The following STT3B variants were observed in gnomAD, a reference collection of about 807,000 sequenced individuals.
STT3B encodes STT3 oligosaccharyltransferase complex catalytic subunit B, also known as dolichyl-diphosphooligosaccharide--protein glycosyltransferase subunit STT3B.
Under a neutral mutation model 96.8 loss-of-function variants are expected in STT3B, and 29 were observed. The ratio of observed to expected loss-of-function variants is 0.30; its 90% CI spans 0.22 to 0.41. STT3B has a LOEUF of 0.41. Ranked by LOEUF, STT3B falls within the 10% of genes least tolerant of loss-of-function variation. The pLI, the probability that STT3B is intolerant of heterozygous loss-of-function variation, is 1.00. For missense variants in STT3B, 640 were observed against 1,022.3 expected (o/e 0.63, Z 5.10); for synonymous variants, 367 against 360.0 (o/e 1.02, Z -0.22).
intron 1 of STT3B, among the ~76,000 whole-genome samples, chr3:31,548,637 T>G (rs1697474620): frequency 6.6e-6 from 1 of 152,180 alleles, no homozygotes; most frequent in South Asian, 2.1e-4. Flanking sequence ...TCTCTAAAGG[T>G]AGGAGAAAAC....
At chr3:31,553,826 T>C (rs775891517) in intron 1 of STT3B, among the ~76,000 whole-genome samples, 1 of 152,226 alleles carries the variant, frequency 6.6e-6, no homozygotes, top group Non-Finnish European at 1.5e-5. Flanking sequence ...CCTGTGAGAT[T>C]GTCAGCTCTG....
intron 1 of STT3B, among the ~76,000 whole-genome samples, chr3:31,548,775 T>C (rs983284729): frequency 1.3e-5 from 2 of 152,202 alleles, no homozygotes; most frequent in Admixed American, 1.3e-4. Flanking sequence ...CCCTGTAATA[T>C]GGAACAAACT....
intron 5 of STT3B, among the ~76,000 whole-genome samples, chr3:31,606,043 AG>A (rs371714668): frequency 9.8e-4 from 149 of 152,358 alleles, no homozygotes; most frequent in African/African-American, 3.5e-3. Flanking sequence ...CCCCTGCCCT[AG>A]AGATTTGTGG....
At chr3:31,613,132 AG>A (rs1699222142) in intron 5 of STT3B, among the ~76,000 whole-genome samples, 1 of 152,070 alleles carries the variant, frequency 6.6e-6, no homozygotes, top group Admixed American at 6.5e-5. Context: ...AGGACTATAG[AG>A]GGGTAGTGGT....
intron 1 of STT3B, among the ~76,000 whole-genome samples, chr3:31,554,974 T>C (rs1697668215): frequency 1.3e-5 from 2 of 152,146 alleles, no homozygotes; most frequent in African/African-American, 4.8e-5. Context: ...TACTCTCTTT[T>C]TGACCTTCTT....
intron 2 of STT3B, 28 bp downstream of exon 2, chr3:31,576,532 A>T (rs1698267870): frequency 3.9e-6 from 5 of 1,268,332 alleles, no homozygotes; most frequent in Non-Finnish European, 5.5e-6. Flanking sequence ...TCTTTATGTT[A>T]ATTATAACAT....
intron 11 of STT3B, among the ~76,000 whole-genome samples, chr3:31,624,380 A>G (rs1376662549): frequency 1.3e-5 from 2 of 152,340 alleles, no homozygotes; most frequent in Admixed American, 6.5e-5. Flanking sequence ...GCATAATCAT[A>G]TACATTAGTT....
At chr3:31,617,201 T>TTG (rs1699325192) in intron 7 of STT3B, 126 bp downstream of exon 7, 2 of 683,098 alleles carry the variant, frequency 2.9e-6, no homozygotes, top group South Asian at 4.4e-5. Flanking sequence ...TTTTTTTTTT[T>TTG]GAATAGTATA....
intron 1 of STT3B, among the ~76,000 whole-genome samples, chr3:31,562,277 A>G (rs1041840306): frequency 9.9e-5 from 15 of 152,092 alleles, no homozygotes; most frequent in Non-Finnish European, 7.4e-5. Context: ...GGTGGCTGCA[A>G]TGAGTTGTGT....
chr3:31,620,692 AC>A (rs1699408187), intron 9 of STT3B, among the ~76,000 whole-genome samples: 1 of 152,264 alleles, frequency 6.6e-6, no homozygotes, highest in South Asian at 2.1e-4. Flanking sequence ...ATTTAATCAC[AC>A]ATGAAATATG....
intron 7 of STT3B, 79 bp from the exon 8 acceptor site, chr3:31,617,861 G>T: frequency 1.0e-6 from 1 of 955,836 alleles, no homozygotes. Flanking sequence ...TCTATAATTA[G>T]CAATAAACAT....
At chr3:31,568,437 T>C (rs1698058236) in intron 1 of STT3B, among the ~76,000 whole-genome samples, 1 of 152,216 alleles carries the variant, frequency 6.6e-6, no homozygotes, top group Non-Finnish European at 1.5e-5. Context: ...ACCTCCATAC[T>C]GTTCTTCGTA....
chr3:31,631,917 G>A (rs1306455400), intron 14 of STT3B, among the ~76,000 whole-genome samples: 1 of 151,908 alleles, frequency 6.6e-6, no homozygotes. Context: ...GTACAGTGGT[G>A]CAATCATGGT....
At chr3:31,631,672 C>T (rs895038650) in intron 14 of STT3B, among the ~76,000 whole-genome samples, 4 of 152,030 alleles carry the variant, frequency 2.6e-5, no homozygotes, top group Non-Finnish European at 4.4e-5. Flanking sequence ...TTTGGCCAGG[C>T]CTGGTGGCTC....
intron 1 of STT3B, among the ~76,000 whole-genome samples, chr3:31,547,326 A>G (rs1391374087): frequency 6.6e-6 from 1 of 152,226 alleles, no homozygotes; most frequent in African/African-American, 2.4e-5. Context: ...CCAGAGATTT[A>G]TAATTAATAT....
intron 5 of STT3B, among the ~76,000 whole-genome samples, chr3:31,606,904 A>T (rs1338216781): frequency 6.6e-6 from 1 of 152,220 alleles, no homozygotes; most frequent in Admixed American, 6.5e-5. Flanking sequence ...GTAAAGCCAC[A>T]GGGGCAGAGC....
At chr3:31,542,595 G>A (rs1697305959) in intron 1 of STT3B, among the ~76,000 whole-genome samples, 1 of 152,166 alleles carries the variant, frequency 6.6e-6, no homozygotes, top group South Asian at 2.1e-4. Context: ...TATACGTACT[G>A]TATCCCATCT....
At chr3:31,565,565 T>C (rs1460710426) in intron 1 of STT3B, among the ~76,000 whole-genome samples, 1 of 152,172 alleles carries the variant, frequency 6.6e-6, no homozygotes, top group Admixed American at 6.5e-5. Context: ...TTGACAGTGG[T>C]TGAATTGGTT....
chr3:31,609,476 A>C (rs904717900), intron 5 of STT3B, among the ~76,000 whole-genome samples: 9 of 152,220 alleles, frequency 5.9e-5, no homozygotes, highest in African/African-American at 1.7e-4. Flanking sequence ...TGCCAGAATT[A>C]AATGAATTGT....
Sources: allele counts gnomAD v4.1 joint callset (sites outside exome capture counted in the v4.1 genomes callset), GRCh38; gene constraint gnomAD v4.1.1; transcripts MANE v1.5; gene names NCBI Gene and HGNC (gene_info 2026-07-23, HGNC 2026-07-21).